The following SCRIB variants were observed in gnomAD, a reference collection of about 807,000 sequenced individuals.
SCRIB encodes the protein scribble planar cell polarity protein.
In SCRIB, 72 loss-of-function variants were observed where a neutral mutation model predicts 170.0. That is an observed-to-expected ratio of 0.42 (90% CI 0.35 to 0.52). SCRIB has a LOEUF of 0.52. SCRIB is among the 20% of genes least tolerant of loss of function. The pLI is 0.02. For synonymous variants in SCRIB, 1,298 were observed against 1,044.3 expected (o/e 1.24, Z -4.68); for missense variants, 2,475 against 2,338.5 (o/e 1.06, Z -1.20).
intron 1 of SCRIB, 154 bp downstream of exon 1, chr8:143,815,060 G>T: frequency 1.2e-6 from 1 of 867,530 alleles, no homozygotes; most frequent in Non-Finnish European, 1.6e-6. Context: ...GCGGCTGGAA[G>T]AGAAGGGTGG....
chr8:143,812,539 G>C (rs1409633730), intron 8 of SCRIB, among the ~76,000 whole-genome samples, 155 bp from the exon 9 acceptor site: 1 of 151,818 alleles, frequency 6.6e-6, no homozygotes, highest in African/African-American at 2.4e-5. Flanking sequence ...TGCCCCACAA[G>C]CCTGACCCAA....
chr8:143,814,900 C>T (rs907390244), intron 1 of SCRIB: 2 of 387,798 alleles, frequency 5.2e-6, no homozygotes, highest in African/African-American at 2.1e-5. Flanking sequence ...AGCTAGTACT[C>T]ATCAGCCACC....
chr8:143,815,092 G>C (rs1170181876), intron 1 of SCRIB, 122 bp downstream of exon 1: 3 of 1,176,902 alleles, frequency 2.5e-6, no homozygotes, highest in Non-Finnish European at 2.3e-6. Context: ...GTGGGGACCT[G>C]GCCAGTGCAA....
intron 4 of SCRIB, 41 bp downstream of exon 4, chr8:143,813,596 G>T (rs750235937): frequency 6.2e-7 from 1 of 1,611,902 alleles, no homozygotes; most frequent in South Asian, 1.1e-5. Context: ...GCCAATCCTG[G>T]TCCCCCACCC....
intron 21 of SCRIB, 112 bp downstream of exon 21, chr8:143,804,456 G>C: frequency 8.5e-7 from 1 of 1,180,536 alleles, no homozygotes; most frequent in Non-Finnish European, 1.1e-6. Flanking sequence ...AGGGCGAGCA[G>C]GCCGGCTTCC....
Position 143,803,778 on chromosome 8 carries a change from G to T in SCRIB, c.3283C>A (p.Pro1095Thr), listed in dbSNP as rs1815279655. The change falls in exon 23 of 37, where the codon CCC becomes ACC. Residue 1095 changes from proline to threonine, a missense_variant. Physicochemically the swap from Pro to Thr is conservative, Grantham distance 38 (BLOSUM62 -1). Coordinates refer to ENST00000356994, the MANE Select transcript of SCRIB (RefSeq NM_182706.5). ...LSLLVRRDPA[P>T]PGLRELCIQK... ...ATGCACAGTTCCCGTAGGCCCGGGGGTGCCGGGTCCCTCCGCACCAGCAGC... is the reference window on the plus strand; with the variant it reads ...ATGCACAGTTCCCGTAGGCCCGGGGTTGCCGGGTCCCTCCGCACCAGCAGC... 1 of 1,602,304 alleles carries T rather than the reference G, an allele frequency of 6.2e-7. No homozygotes were observed. The highest frequency in any genetic ancestry group is 8.5e-7 in the Non-Finnish European group (1 of 1,179,438).
In SCRIB at chr8:143,792,838, C is replaced by G. The variant is rs782665543; in HGVS notation, c.4047G>C (p.Pro1349=). 3.3e-6 allele frequency: 5 copies of G among 1,534,536 alleles called. No individual in the cohort carries two copies. The highest frequency in any genetic ancestry group is 4.4e-6 in the Non-Finnish European group (5 of 1,143,134). Residue 1349 remains proline (P), a synonymous_variant, in exon 30 of 37, where the codon CCG becomes CCC. Transcript: ENST00000356994. ...QPPTPGPAAS[P]EQLSFRERQK... ...GCCGCTCCCGGAAGGACAGCTGCTC[C>G]GGGGAGGCTGCAGGCCCAGGCGTGG...
At chr8:143,801,477 A>C (rs1215535787) in intron 24 of SCRIB, among the ~76,000 whole-genome samples, 1 of 152,240 alleles carries the variant, frequency 6.6e-6, no homozygotes, top group Non-Finnish European at 1.5e-5. Flanking sequence ...CAGAATCCAG[A>C]AGTCATAAAG....
At position 143,815,674 on chromosome 8, in the gene SCRIB, C is replaced by T. The variant is rs1158290727; in HGVS notation, c.-302G>A. 8 of 983,216 alleles carry T rather than the reference C, an allele frequency of 8.1e-6. No individual in the cohort carries two copies. Among genetic ancestry groups the T allele is most frequent in the Non-Finnish European group, 7.2e-6 (6 of 829,070 alleles). 60.9% of individuals were successfully genotyped at this position (983,216 alleles called of 1,614,324 possible). A position where few individuals can be genotyped will look rare whatever the true frequency, so the allele number is the denominator to read the frequency against. On this transcript the variant is annotated 5_prime_UTR_variant, in exon 1 of 37. Transcript: ENST00000356994. ...GGTCCTGCTCAGCTCGTCCCGCCCG[C>T]TCGTCCGCCCGCTGTGCCGCACCGG...
At chr8:143,807,042 A>C (rs782523398) in intron 16 of SCRIB, 29 bp from the exon 17 acceptor site, 1 of 1,541,336 alleles carries the variant, frequency 6.5e-7, no homozygotes, top group Non-Finnish European at 8.9e-7. Context: ...GGGTGTCTAG[A>C]AGGGCCGCAG....
At chr8:143,806,088 C>T (rs1394937962) in intron 18 of SCRIB, among the ~76,000 whole-genome samples, 11 of 152,194 alleles carry the variant, frequency 7.2e-5, no homozygotes, top group Non-Finnish European at 1.3e-4. Context: ...GGAGCGGCCC[C>T]TCCTGGAGAG....
In SCRIB at chr8:143,792,093, C is replaced by A; in HGVS notation, c.4555G>T (p.Val1519Phe). The change falls in exon 33 of 37, where the codon GTC becomes TTC. Residue 1519 changes from valine (V) to phenylalanine (F), a missense_variant. Val to Phe is a conservative substitution (Grantham distance 50, BLOSUM62 -1). This residue lies in a region of SCRIB where 1,966 missense variants were observed against 1,742.9 expected (regional missense o/e 1.13). Transcript: ENST00000356994. ...LEQDALRAQM[V>F]LSRSQEGRGT... ...CGGCCTTCCTGGGACCTGCTGAGGA[C>A]CATCTGTGCTCGGAGAGCGTCCTGT... 3 of 1,592,726 alleles carry A rather than the reference C, an allele frequency of 1.9e-6. No homozygotes were observed. Among genetic ancestry groups the A allele is most frequent in the Non-Finnish European group, 2.6e-6 (3 of 1,175,770 alleles).
At chr8:143,799,536 G>A (rs1815084296) in intron 24 of SCRIB, among the ~76,000 whole-genome samples, 1 of 152,180 alleles carries the variant, frequency 6.6e-6, no homozygotes, top group African/African-American at 2.4e-5. Context: ...CGGGGTAGCG[G>A]GCGAGTCTCT....
In SCRIB at chr8:143,811,350, C is replaced by T; in HGVS notation, c.907-5G>A. 6.2e-7 allele frequency: 1 copy of T among 1,610,382 alleles called. No individual in the cohort carries two copies. Among genetic ancestry groups the T allele is most frequent in the African/African-American group, 1.3e-5 (1 of 74,978 alleles). On this transcript the variant is annotated splice_polypyrimidine_tract_variant and splice_region_variant and intron_variant, in intron 9 of 36. Coordinates refer to ENST00000356994, the MANE Select transcript of SCRIB (RefSeq NM_182706.5). ...TCCCAGGGAGCGGGGCAGGGCCTGG[C>T]CAAGAAGAGGAGGTCAGAGGACGCT...
chr8:143,795,136 C>G, intron 26 of SCRIB, 24 bp from the exon 27 acceptor site: 1 of 1,608,686 alleles, frequency 6.2e-7, no homozygotes, highest in Non-Finnish European at 8.5e-7. Context: ...GAACACAGCA[C>G]TAGCAGGGGT....
Position 143,815,481 on chromosome 8 carries a change from G to A in SCRIB, c.-109C>T, listed in dbSNP as rs1450833257. On this transcript the variant is annotated 5_prime_UTR_variant, in exon 1 of 37. Transcript: ENST00000356994. ...GCGCATGGGGAGGGGGCGCAGGCAG[G>A]GGGCGGGCCGCCCGAGACTGGACGG... The A allele has an allele frequency of 3.0e-6, 3 of 1,016,250 alleles. No individual in the cohort carries two copies. Among genetic ancestry groups the A allele is most frequent in the South Asian group, 8.9e-5 (2 of 22,382 alleles). 63.0% of individuals were successfully genotyped at this position (1,016,250 alleles called of 1,614,324 possible). A position where few individuals can be genotyped will look rare whatever the true frequency, so the allele number is the denominator to read the frequency against.
rs545423403 is a variant in SCRIB at position 143,803,480 on chromosome 8, G to A, written c.3506C>T (p.Thr1169Met). The change falls in exon 24 of 37, where the codon ACG becomes ATG. Residue 1169 changes from threonine (T) to methionine (M), a missense_variant. Transcript: ENST00000356994. ...GAGCAGCTGCACCGCCTCGCCGTGC[G>A]TCAGGCCCAGCAGGCTCTGCTGGTT... is the stretch of plus-strand genomic sequence containing the variant. ...EVNQQSLLGL[T>M]HGEAVQLLRS... 9 of 1,600,542 alleles carry A rather than the reference G, an allele frequency of 5.6e-6. No homozygotes were observed. The highest frequency in any genetic ancestry group is 2.2e-5 in the East Asian group (1 of 44,794).
chr8:143,805,939 G>A (rs182739299), intron 18 of SCRIB, among the ~76,000 whole-genome samples: 1 of 152,286 alleles, frequency 6.6e-6, no homozygotes, highest in East Asian at 1.9e-4. Flanking sequence ...CTACAAGAAG[G>A]GCGCATGCCT....
intron 27 of SCRIB, among the ~76,000 whole-genome samples, chr8:143,794,774 C>A (rs2130003871): frequency 6.6e-6 from 1 of 152,240 alleles, no homozygotes; most frequent in South Asian, 2.1e-4. Context: ...AGCTCTCGCA[C>A]CGCCACTAGA....
Sources: gnomAD v4.1 joint callset for allele counts (sites outside exome capture counted in the v4.1 genomes callset) on GRCh38, gnomAD v4.1.1 for gene constraint, gnomAD v4.1.1 regional missense constraint, MANE v1.5 for transcripts, NCBI Gene and HGNC (gene_info 2026-07-23, HGNC 2026-07-21) for gene names.